Variants in MAN2A1 observed in about 807,000 individuals in gnomAD.
The protein encoded by MAN2A1 is alpha-mannosidase 2.
Under a neutral mutation model 142.6 loss-of-function variants are expected in MAN2A1, and 76 were observed. The observed-to-expected ratio is 0.53, with a 90% CI of 0.44 to 0.65. The LOEUF (loss-of-function observed/expected upper bound fraction) is 0.65, where lower values mean the gene tolerates loss of function less well. Ranked by LOEUF, MAN2A1 falls within the 30% of genes least tolerant of loss-of-function variation. MAN2A1 has a pLI of 0.00. For synonymous variants in MAN2A1, 559 were observed against 473.2 expected, an observed-to-expected ratio of 1.18 and a Z score of -2.35; for missense variants, 1,311 against 1,365.1, an observed-to-expected ratio of 0.96 and a Z score of 0.62.
In MAN2A1 at chr5:109,767,372, A is replaced by G. The variant is rs143871377; in HGVS notation, c.836-163A>G. 1.4e-3 allele frequency among the ~76,000 whole-genome samples: 217 copies of G among 152,282 alleles called. 1 individual carries two copies. The highest frequency in any genetic ancestry group is 5.0e-3 in the African/African-American group (207 of 41,566). ...TAGGCAGTGGCACAATCCTCCCTTC[A>G]TGATATCTTGCTGGGAATACTTGGC... On this transcript the variant is annotated intron_variant, in intron 5 of 21. Transcript: ENST00000261483.
At chr5:109,810,627 C>T (rs1442239661) in intron 12 of MAN2A1, among the ~76,000 whole-genome samples, 1 of 152,196 alleles carries the variant, frequency 6.6e-6, no homozygotes, top group African/African-American at 2.4e-5. Flanking sequence ...CTTTGTTCCC[C>T]AGTGATTTCT....
intron 6 of MAN2A1, among the ~76,000 whole-genome samples, chr5:109,769,957 A>G (rs376136739): frequency 6.1e-4 from 93 of 152,112 alleles, no homozygotes; most frequent in African/African-American, 2.1e-3. Context: ...AGCTAATATC[A>G]TGGTATCTCT....
chr5:109,782,402 A>G (rs557275747), intron 9 of MAN2A1, among the ~76,000 whole-genome samples: 5 of 152,308 alleles, frequency 3.3e-5, no homozygotes, highest in Admixed American at 1.3e-4. Context: ...TTAAATGTCA[A>G]TAGCCATGTG....
intron 13 of MAN2A1, among the ~76,000 whole-genome samples, chr5:109,819,404 TA>T (rs1353241964): frequency 1.3e-5 from 2 of 152,238 alleles, no homozygotes; most frequent in Admixed American, 6.5e-5. Flanking sequence ...AAATTACTTG[TA>T]ACATCTGATA....
chr5:109,835,140 A>G (rs1452622039), intron 16 of MAN2A1, among the ~76,000 whole-genome samples: 3 of 152,248 alleles, frequency 2.0e-5, no homozygotes, highest in Non-Finnish European at 4.4e-5. Flanking sequence ...TAAGTTGGAT[A>G]AAGTTTACAA....
At chr5:109,801,697 C>T (rs1754036449) in intron 12 of MAN2A1, among the ~76,000 whole-genome samples, 1 of 152,062 alleles carries the variant, frequency 6.6e-6, no homozygotes, top group African/African-American at 2.4e-5. Context: ...AGGAGCAGGT[C>T]TATACTGAAT....
intron 4 of MAN2A1, among the ~76,000 whole-genome samples, chr5:109,730,936 T>G (rs1037153136): frequency 5.9e-5 from 9 of 152,224 alleles, no homozygotes; most frequent in Non-Finnish European, 1.0e-4. Flanking sequence ...CAATCTTTAT[T>G]ATATTTAAAT....
chr5:109,789,647 C>G, intron 12 of MAN2A1, 120 bp downstream of exon 12: 1 of 654,680 alleles, frequency 1.5e-6, no homozygotes, highest in South Asian at 2.3e-5. Context: ...TTAAAAAACT[C>G]CTAAAAAATG....
intron 12 of MAN2A1, among the ~76,000 whole-genome samples, chr5:109,801,007 G>A (rs76648736): frequency 0.076 from 11,623 of 152,224 alleles, 514 homozygotes; most frequent in African/African-American, 0.13. Context: ...TTTTGTACTT[G>A]TTGGCTTTCC....
chr5:109,751,136 C>G (rs955994570), intron 4 of MAN2A1, among the ~76,000 whole-genome samples: 33 of 152,056 alleles, frequency 2.2e-4, no homozygotes, highest in African/African-American at 8.0e-4. Context: ...TTCCCAATCG[C>G]TACCCTAAGT....
chr5:109,796,939 G>C, intron 12 of MAN2A1, among the ~76,000 whole-genome samples: 1 of 152,158 alleles, frequency 6.6e-6, no homozygotes, highest in South Asian at 2.1e-4. Context: ...GCTCCATGAG[G>C]GTAGAGAGCT....
intron 17 of MAN2A1, among the ~76,000 whole-genome samples, chr5:109,845,620 AG>A (rs1309537659): frequency 6.6e-6 from 1 of 152,230 alleles, no homozygotes; most frequent in Admixed American, 6.5e-5. Context: ...GAATTTAAAT[AG>A]GAATGCCTAT....
chr5:109,816,779 G>A (rs1339441852), intron 12 of MAN2A1, among the ~76,000 whole-genome samples: 1 of 151,990 alleles, frequency 6.6e-6, no homozygotes, highest in African/African-American at 2.4e-5. Flanking sequence ...TTTTTCTGGG[G>A]TACAGAAAAG....
intron 20 of MAN2A1, among the ~76,000 whole-genome samples, chr5:109,858,792 C>T (rs943117660): frequency 2.6e-5 from 4 of 152,206 alleles, no homozygotes; most frequent in Non-Finnish European, 4.4e-5. Context: ...CCCTCTGGGC[C>T]GCTGTCTAAA....
At chr5:109,864,974 G>T in intron 20 of MAN2A1, 62 bp from the exon 21 acceptor site, 1 of 1,098,654 alleles carries the variant, frequency 9.1e-7, no homozygotes, top group South Asian at 1.2e-5. Context: ...AGTGGTGTGT[G>T]AAGTACCATA....
chr5:109,820,502 A>G (rs1249586698), intron 15 of MAN2A1, among the ~76,000 whole-genome samples, 160 bp downstream of exon 15: 1 of 152,180 alleles, frequency 6.6e-6, no homozygotes, highest in East Asian at 1.9e-4. Context: ...ATACTTAGCA[A>G]TTTGTAGTCG....
At chr5:109,735,480 C>T (rs1752063339) in intron 4 of MAN2A1, among the ~76,000 whole-genome samples, 3 of 152,192 alleles carry the variant, frequency 2.0e-5, no homozygotes, top group Admixed American at 2.0e-4. Context: ...ATGGTCTTTA[C>T]AATTTGGCAT....
Position 109,842,314 on chromosome 5 carries a change from T to G in MAN2A1, c.2567-14T>G. 1 of 1,484,152 alleles carries G rather than the reference T, an allele frequency of 6.7e-7. No homozygotes were observed. The highest frequency in any genetic ancestry group is 1.3e-5 in the South Asian group (1 of 78,774). 91.9% of individuals were successfully genotyped at this position (1,484,152 alleles called of 1,614,324 possible). A position where few individuals can be genotyped will look rare whatever the true frequency, so the allele number is the denominator to read the frequency against. ...TTTCTTTCTATTAATCCATATATAT[T>G]TTTTTAAATTTAGGAATAGAAGGAC... On this transcript the variant is annotated splice_polypyrimidine_tract_variant and intron_variant, in intron 16 of 21. Transcript: ENST00000261483.
intron 13 of MAN2A1, among the ~76,000 whole-genome samples, chr5:109,818,596 A>G (rs538467107): frequency 6.6e-6 from 1 of 152,298 alleles, no homozygotes; most frequent in Admixed American, 6.5e-5. Context: ...TAACTTGTTT[A>G]ATATTTATAT....
Sources: allele counts gnomAD v4.1 joint callset (sites outside exome capture counted in the v4.1 genomes callset), GRCh38; gene constraint gnomAD v4.1.1; transcripts MANE v1.5; gene names NCBI Gene and HGNC (gene_info 2026-07-23, HGNC 2026-07-21).